Variants in TP63 observed in about 807,000 individuals in gnomAD.
TP63 encodes tumor protein 63.
Under a neutral mutation model 82.8 loss-of-function variants are expected in TP63, and 17 were observed. The ratio of observed to expected loss-of-function variants is 0.21; its 90% CI spans 0.14 to 0.31. TP63 has a LOEUF of 0.31. Ranked by LOEUF, TP63 falls within the 10% of genes least tolerant of loss-of-function variation. The pLI, the probability that TP63 is intolerant of heterozygous loss-of-function variation, is 1.00. For missense variants in TP63, 648 were observed against 895.3 expected, an observed-to-expected ratio of 0.72 and a Z score of 3.52; for synonymous variants, 330 against 321.7, an observed-to-expected ratio of 1.03 and a Z score of -0.28.
chr3:189,602,539 ATAAT>A, the TP63 span, among the ~76,000 whole-genome samples: 2 of 152,194 alleles, frequency 1.3e-5, no homozygotes, highest in African/African-American at 2.4e-5. Context: ...TTTTACATCT[ATAAT>A]TAGGGAATGA....
At chr3:189,886,774 G>A (rs1366270257) in intron 11 of TP63, among the ~76,000 whole-genome samples, 3 of 152,164 alleles carry the variant, frequency 2.0e-5, no homozygotes, top group Non-Finnish European at 4.4e-5. Flanking sequence ...TGTTTCTTTA[G>A]TGTAGGGATA....
At chr3:189,621,681 G>A in the TP63 span, among the ~76,000 whole-genome samples, 1 of 151,608 alleles carries the variant, frequency 6.6e-6, no homozygotes, top group Non-Finnish European at 1.5e-5. Context: ...CCCTCTCTAT[G>A]TATACTCAGG....
chr3:189,875,608 A>ATATATATACG (rs1719004700), intron 10 of TP63, among the ~76,000 whole-genome samples: 1 of 65,946 alleles, frequency 1.5e-5, no homozygotes, highest in African/African-American at 5.7e-5. Context: ...ATATATATAT[A>ATATATATACG]TATATATATA....
At chr3:189,865,492 C>T (rs960643633) in intron 5 of TP63, among the ~76,000 whole-genome samples, 1 of 152,038 alleles carries the variant, frequency 6.6e-6, no homozygotes, top group Non-Finnish European at 1.5e-5. Context: ...AAGGTAAGAG[C>T]AGGATAAAGC....
chr3:189,854,197 C>T (rs896987356), intron 4 of TP63, among the ~76,000 whole-genome samples: 1 of 152,132 alleles, frequency 6.6e-6, no homozygotes, highest in South Asian at 2.1e-4. Context: ...AACTGACTAG[C>T]AGCTTTTAGT....
At chr3:189,865,327 TTTAGA>T (rs1173172644) in intron 5 of TP63, among the ~76,000 whole-genome samples, 4 of 152,202 alleles carry the variant, frequency 2.6e-5, no homozygotes, top group African/African-American at 9.6e-5. Context: ...GAAGGCCACC[TTTAGA>T]CGCTATATCC....
chr3:189,619,378 A>G, the TP63 span, among the ~76,000 whole-genome samples: 1 of 152,154 alleles, frequency 6.6e-6, no homozygotes, highest in African/African-American at 2.4e-5. Context: ...TGCAAAACCA[A>G]CTTATCAGGG....
At chr3:189,703,838 G>A (rs888601921) in intron 1 of TP63, among the ~76,000 whole-genome samples, 1 of 152,160 alleles carries the variant, frequency 6.6e-6, no homozygotes, top group Non-Finnish European at 1.5e-5. Context: ...TGGGAAAACA[G>A]AGGCCAAAAC....
rs540967371 is a variant in TP63 at position 189,648,752 on chromosome 3, T to A, written c.62+17175T>A. Among the ~76,000 whole-genome samples the A allele has an allele frequency of 1.0e-4, 15 of 147,320 alleles. 2 individuals carry two copies. Among genetic ancestry groups the A allele is most frequent in the African/African-American group, 3.3e-4 (13 of 39,424 alleles). ...TTCCTAAATCTTACCATTATCCTGT[T>A]TATACGTCTAGATATCTTGTTTGCT... On this transcript the variant is annotated intron_variant, in intron 1 of 13. Coordinates refer to ENST00000264731, the MANE Select transcript of TP63 (RefSeq NM_003722.5).
chr3:189,866,926 T>A (rs1717801579), intron 6 of TP63, 129 bp downstream of exon 6: 3 of 803,540 alleles, frequency 3.7e-6, no homozygotes, highest in East Asian at 2.7e-5. Context: ...ATCAAATATA[T>A]AATATTTTTG....
chr3:189,667,341 A>G (rs1283473630), intron 1 of TP63, among the ~76,000 whole-genome samples: 1 of 151,672 alleles, frequency 6.6e-6, no homozygotes, highest in African/African-American at 2.4e-5. Flanking sequence ...CGCCTGGCCA[A>G]TTTTTGTATT....
At chr3:189,851,785 G>A (rs921679056) in intron 4 of TP63, among the ~76,000 whole-genome samples, 1 of 152,054 alleles carries the variant, frequency 6.6e-6, no homozygotes, top group Admixed American at 6.5e-5. Context: ...ATGCCCTTCT[G>A]ATGGGTGAAA....
chr3:189,615,347 C>A, the TP63 span, among the ~76,000 whole-genome samples: 137 of 152,298 alleles, frequency 9.0e-4, no homozygotes, highest in African/African-American at 3.2e-3. Context: ...CTTCAGATCA[C>A]CTCTTCAGAA....
chr3:189,671,445 T>G (rs567705406), intron 1 of TP63, among the ~76,000 whole-genome samples: 23 of 152,004 alleles, frequency 1.5e-4, no homozygotes, highest in Admixed American at 2.6e-4. Flanking sequence ...GGTTGGAAGA[T>G]AAATTAGTAC....
chr3:189,778,245 T>C (rs1435878980), intron 3 of TP63, among the ~76,000 whole-genome samples: 1 of 152,188 alleles, frequency 6.6e-6, no homozygotes, highest in Admixed American at 6.5e-5. Context: ...GGAAATGTGT[T>C]TGTCTACAGG....
At position 189,677,768 on chromosome 3, in the gene TP63, C is replaced by T. The variant is rs150288874; in HGVS notation, c.62+46191C>T. Among the ~76,000 whole-genome samples, 632 of 151,860 alleles carry T rather than the reference C, an allele frequency of 4.2e-3. 2 individuals are homozygous for T. Among genetic ancestry groups the T allele is most frequent in the African/African-American group, 8.1e-3 (336 of 41,502 alleles). The stretch of plus-strand genomic sequence containing the variant: ...AGCCTCATCAACATCTGTTATTTTT[C>T]GACTTTTTAAAAATAGCCATTCTGA... On this transcript the variant is annotated intron_variant, in intron 1 of 13. Transcript: ENST00000264731.
intron 1 of TP63, among the ~76,000 whole-genome samples, chr3:189,684,774 G>C (rs1040041764): frequency 1.3e-5 from 2 of 151,746 alleles, no homozygotes; most frequent in Non-Finnish European, 2.9e-5. Context: ...GAGATTACAG[G>C]CATACGTTAC....
intron 1 of TP63, among the ~76,000 whole-genome samples, chr3:189,691,352 A>G (rs2108720182): frequency 6.8e-6 from 1 of 147,214 alleles, no homozygotes; most frequent in South Asian, 2.1e-4. Context: ...AAAAAAAAAA[A>G]AAAAAAAAGA....
chr3:189,880,607 GA>G, intron 10 of TP63: 1 of 986,124 alleles, frequency 1.0e-6, no homozygotes, highest in Non-Finnish European at 1.2e-6. Context: ...AAGAAAAGGA[GA>G]AAAAAGTTGT....
Sources: gnomAD v4.1 joint callset for allele counts (sites outside exome capture counted in the v4.1 genomes callset) on GRCh38, gnomAD v4.1.1 for gene constraint, MANE v1.5 for transcripts, NCBI Gene and HGNC (gene_info 2026-07-23, HGNC 2026-07-21) for gene names.